Variants in MYRIP observed in about 807,000 individuals in gnomAD.
MYRIP encodes the protein myosin VIIA and Rab interacting protein, also known as rab effector MyRIP.
A neutral mutation model predicts 98.0 loss-of-function variants in MYRIP; 49 were observed. That is an observed-to-expected ratio of 0.50 (90% CI 0.40 to 0.63). The LOEUF (loss-of-function observed/expected upper bound fraction) is 0.63. MYRIP is among the 30% of genes least tolerant of loss of function. The pLI is 0.00. For missense variants in MYRIP, 1,004 were observed against 1,058.2 expected, an observed-to-expected ratio of 0.95 and a Z score of 0.71; for synonymous variants, 404 against 409.5, an observed-to-expected ratio of 0.99 and a Z score of 0.16.
intron 1 of MYRIP, among the ~76,000 whole-genome samples, chr3:39,886,095 A>C (rs1479056528): frequency 2.0e-5 from 3 of 152,018 alleles, no homozygotes; most frequent in Admixed American, 1.3e-4. Context: ...ACTAAGCTTC[A>C]TAAGTGAAGG....
chr3:40,186,846 C>G (rs1393779393), intron 9 of MYRIP, among the ~76,000 whole-genome samples: 1 of 152,182 alleles, frequency 6.6e-6, no homozygotes, highest in Non-Finnish European at 1.5e-5. Flanking sequence ...AAACCCTTAC[C>G]ACCTGACTGA....
chr3:40,230,826 T>C (rs1952631810), intron 11 of MYRIP, among the ~76,000 whole-genome samples: 1 of 152,080 alleles, frequency 6.6e-6, no homozygotes, highest in South Asian at 2.1e-4. Flanking sequence ...TTCTTCTTTT[T>C]TTTTTTTTTG....
intron 11 of MYRIP, among the ~76,000 whole-genome samples, chr3:40,229,465 A>G (rs1393686514): frequency 6.6e-6 from 1 of 152,220 alleles, no homozygotes; most frequent in Non-Finnish European, 1.5e-5. Context: ...CAACCTTGGC[A>G]CGGTAAATGA....
chr3:39,976,834 G>T (rs887141029), intron 2 of MYRIP, among the ~76,000 whole-genome samples: 1 of 152,110 alleles, frequency 6.6e-6, no homozygotes, highest in Non-Finnish European at 1.5e-5. Flanking sequence ...CTCATAGGTA[G>T]AAATTGAACA....
At chr3:39,866,489 A>G (rs1942630323) in intron 1 of MYRIP, among the ~76,000 whole-genome samples, 2 of 152,024 alleles carry the variant, frequency 1.3e-5, no homozygotes, top group African/African-American at 4.8e-5. Context: ...TTTTTTTTTG[A>G]GACGGAGTTT....
At chr3:40,080,791 C>CTTTTTTTTTTTTT (rs34610302) in intron 3 of MYRIP, among the ~76,000 whole-genome samples, 4 of 93,840 alleles carry the variant, frequency 4.3e-5, no homozygotes, top group African/African-American at 8.7e-5. Context: ...ATCCTAACTT[C>CTTTTTTTTTTTTT]TTTTTTTTTT....
chr3:40,087,876 C>T (rs1948659550), intron 3 of MYRIP, among the ~76,000 whole-genome samples: 7 of 152,154 alleles, frequency 4.6e-5, no homozygotes, highest in Admixed American at 3.9e-4. Flanking sequence ...CTGTGACCAG[C>T]TGGCAGGTAG....
chr3:40,039,527 A>G (rs1162657650), intron 2 of MYRIP, among the ~76,000 whole-genome samples: 1 of 152,066 alleles, frequency 6.6e-6, no homozygotes, highest in East Asian at 1.9e-4. Context: ...GGGGATCTCA[A>G]GCAGATATTT....
At chr3:39,955,248 A>C (rs1214796693) in intron 2 of MYRIP, among the ~76,000 whole-genome samples, 1 of 152,184 alleles carries the variant, frequency 6.6e-6, no homozygotes, top group East Asian at 1.9e-4. Flanking sequence ...ACTTGAAATT[A>C]AGGAAAAAAT....
At chr3:39,873,371 T>G (rs1942869117) in intron 1 of MYRIP, among the ~76,000 whole-genome samples, 1 of 152,336 alleles carries the variant, frequency 6.6e-6, no homozygotes, top group Middle Eastern at 3.4e-3. Flanking sequence ...TTTTGGCTTT[T>G]GTTGCCATTG....
At chr3:39,971,651 T>C (rs1490149571) in intron 2 of MYRIP, among the ~76,000 whole-genome samples, 1 of 152,076 alleles carries the variant, frequency 6.6e-6, no homozygotes, top group Non-Finnish European at 1.5e-5. Flanking sequence ...CATGTGCTAA[T>C]TGGGAACAGG....
At chr3:40,168,563 T>C (rs929826489) in intron 7 of MYRIP, among the ~76,000 whole-genome samples, 4 of 152,238 alleles carry the variant, frequency 2.6e-5, no homozygotes, top group African/African-American at 9.6e-5. Context: ...TGTTTTGTTA[T>C]ACCACAATTT....
intron 2 of MYRIP, among the ~76,000 whole-genome samples, chr3:39,988,844 T>C (rs1946102167): frequency 1.3e-5 from 2 of 151,928 alleles, no homozygotes; most frequent in African/African-American, 4.8e-5. Context: ...GTTCTTGTGC[T>C]GTGTTTTTCA....
At chr3:40,083,408 C>T (rs1948524347) in intron 3 of MYRIP, among the ~76,000 whole-genome samples, 1 of 152,046 alleles carries the variant, frequency 6.6e-6, no homozygotes, top group Non-Finnish European at 1.5e-5. Flanking sequence ...GCTAAGATTG[C>T]TTTCTTCCTT....
intron 3 of MYRIP, 101 bp from the exon 4 acceptor site, chr3:40,150,947 A>G (rs144866790): frequency 8.5e-7 from 1 of 1,176,458 alleles, no homozygotes; most frequent in East Asian, 2.8e-5. Flanking sequence ...AGGGGAATAA[A>G]CTTCACATCT....
At chr3:39,869,823 A>G (rs1942731389) in intron 1 of MYRIP, among the ~76,000 whole-genome samples, 1 of 152,176 alleles carries the variant, frequency 6.6e-6, no homozygotes. Context: ...CTTGGCATGG[A>G]GGGAAGCAAA....
intron 3 of MYRIP, among the ~76,000 whole-genome samples, chr3:40,070,896 AAAAG>A (rs2125858493): frequency 6.6e-6 from 1 of 152,260 alleles, no homozygotes; most frequent in South Asian, 2.1e-4. Flanking sequence ...TGGGCATCTA[AAAAG>A]TGTCTTCCCC....
intron 2 of MYRIP, among the ~76,000 whole-genome samples, chr3:40,015,712 A>G (rs1946848826): frequency 6.6e-6 from 1 of 152,230 alleles, no homozygotes; most frequent in Non-Finnish European, 1.5e-5. Context: ...TATCTGCAGC[A>G]GGGACTTCTG....
chr3:40,149,860 C>T (rs538079261), intron 3 of MYRIP, among the ~76,000 whole-genome samples: 45 of 152,268 alleles, frequency 3.0e-4, no homozygotes, highest in Non-Finnish European at 5.7e-4. Flanking sequence ...GATATCTTCT[C>T]ACATTTCACT....
Sources: gnomAD v4.1 joint callset for allele counts (sites outside exome capture counted in the v4.1 genomes callset) on GRCh38, gnomAD v4.1.1 for gene constraint, MANE v1.5 for transcripts, NCBI Gene and HGNC (gene_info 2026-07-23, HGNC 2026-07-21) for gene names.